The following SORCS2 variants were observed in gnomAD, a reference collection of about 807,000 sequenced individuals.
The protein encoded by SORCS2 is VPS10 domain-containing receptor SorCS2.
A neutral mutation model predicts 141.6 loss-of-function variants in SORCS2; 100 were observed. The observed-to-expected ratio is 0.71, with a 90% CI of 0.60 to 0.83. The LOEUF is 0.83. Ranked by LOEUF, SORCS2 falls within the 40% of genes least tolerant of loss-of-function variation. The pLI is 0.00. For missense variants in SORCS2, 1,646 were observed against 1,560.2 expected, an observed-to-expected ratio of 1.05 and a Z score of -0.93; for synonymous variants, 789 against 676.9, an observed-to-expected ratio of 1.17 and a Z score of -2.57.
At position 7,256,828 on chromosome 4, in the gene SORCS2, G is replaced by A. The variant is rs560588315; in HGVS notation, c.480+63702G>A. Among the ~76,000 whole-genome samples the A allele has an allele frequency of 1.8e-3, 278 of 152,092 alleles. 1 individual carries two copies. Among genetic ancestry groups the A allele is most frequent in the African/African-American group, 6.6e-3 (273 of 41,480 alleles). The stretch of plus-strand genomic sequence containing the variant: ...GTGTGAGGTCTGTTGGGGGAAGAGT[G>A]GGGAGCTCGGTCTGGCAGAGCCGGA... On this transcript the variant is annotated intron_variant, in intron 1 of 26. Transcript: ENST00000507866.
At chr4:7,598,156 A>G (rs1244694531) in intron 3 of SORCS2, among the ~76,000 whole-genome samples, 1 of 151,782 alleles carries the variant, frequency 6.6e-6, no homozygotes, top group Non-Finnish European at 1.5e-5. Context: ...TTTAGAAGAG[A>G]CGGGGTTTCA....
intron 3 of SORCS2, among the ~76,000 whole-genome samples, chr4:7,560,731 C>T (rs1010968284): frequency 6.6e-6 from 1 of 152,174 alleles, no homozygotes; most frequent in East Asian, 1.9e-4. Flanking sequence ...CATCCTCAAG[C>T]CTGCTGGAGA....
chr4:7,640,419 T>G (rs1265412359), intron 4 of SORCS2, among the ~76,000 whole-genome samples: 1 of 134,344 alleles, frequency 7.4e-6, no homozygotes, highest in Non-Finnish European at 1.7e-5. Flanking sequence ...TGAGTGTGTG[T>G]GATCGTGTGT....
intron 1 of SORCS2, among the ~76,000 whole-genome samples, chr4:7,220,211 T>C (rs1428924195): frequency 6.7e-6 from 1 of 149,918 alleles, no homozygotes; most frequent in Non-Finnish European, 1.5e-5. Flanking sequence ...CTGGGTGCCA[T>C]GGGGCCTAGT....
At chr4:7,423,254 G>A (rs1285089230) in intron 2 of SORCS2, among the ~76,000 whole-genome samples, 1 of 152,150 alleles carries the variant, frequency 6.6e-6, no homozygotes, top group Non-Finnish European at 1.5e-5. Flanking sequence ...TTATTTTAAT[G>A]CAGTTTCCTG....
At chr4:7,514,025 C>T (rs192442679) in intron 2 of SORCS2, among the ~76,000 whole-genome samples, 5 of 152,228 alleles carry the variant, frequency 3.3e-5, no homozygotes, top group Admixed American at 2.6e-4. Flanking sequence ...GTTTGGGCAT[C>T]GTGCGTGCAT....
Position 7,192,956 on chromosome 4 carries a change from C to G in SORCS2, c.310C>G (p.Pro104Ala). ...PGPSPGPAPG[P>A]GEDGAPAAGY... ...TCCGAGTCCCGGTCCCGCTCCTGGTCCCGGCGAGGACGGCGCCCCCGCCGC... is the reference window on the plus strand; with the variant it reads ...TCCGAGTCCCGGTCCCGCTCCTGGTGCCGGCGAGGACGGCGCCCCCGCCGC... Residue 104 changes from proline to alanine, a missense_variant, in exon 1 of 27, where the codon CCC becomes GCC. By Grantham distance (27) the Pro-to-Ala change is conservative. Transcript: ENST00000507866. The surrounding 1 kb of genome is among the most constrained non-coding windows in gnomAD (Gnocchi z 4.0). The G allele has an allele frequency of 7.4e-7, 1 of 1,346,958 alleles. No individual in the cohort carries two copies. Among genetic ancestry groups the G allele is most frequent in the Non-Finnish European group, 9.4e-7 (1 of 1,058,370 alleles). 83.4% of individuals were successfully genotyped at this position (1,346,958 alleles called of 1,614,324 possible).
At chr4:7,360,746 C>A (rs565564346) in intron 1 of SORCS2, among the ~76,000 whole-genome samples, 1 of 151,370 alleles carries the variant, frequency 6.6e-6, no homozygotes, top group Non-Finnish European at 1.5e-5. Context: ...CCACACTTGG[C>A]TAATTTTTGT....
At chr4:7,503,832 G>A (rs1452206725) in intron 2 of SORCS2, among the ~76,000 whole-genome samples, 3 of 152,180 alleles carry the variant, frequency 2.0e-5, no homozygotes, top group Admixed American at 6.5e-5. Context: ...AATCTTTCTC[G>A]TTGCAAACTT....
At chr4:7,594,328 G>C (rs921978859) in intron 3 of SORCS2, among the ~76,000 whole-genome samples, 1 of 152,250 alleles carries the variant, frequency 6.6e-6, no homozygotes, top group East Asian at 1.9e-4. Context: ...GTGGCCTGGA[G>C]TGGGAAATAA....
At chr4:7,706,462 G>A (rs571519724) in intron 14 of SORCS2, among the ~76,000 whole-genome samples, 1 of 115,110 alleles carries the variant, frequency 8.7e-6, no homozygotes, top group African/African-American at 3.4e-5. Flanking sequence ...GGGCAGGGAT[G>A]AGGCTGGGCT....
chr4:7,311,459 C>T (rs182414643), intron 1 of SORCS2, among the ~76,000 whole-genome samples: 4 of 152,272 alleles, frequency 2.6e-5, no homozygotes, highest in Admixed American at 6.5e-5. Flanking sequence ...GAATCATCTC[C>T]GGGATATGTT....
chr4:7,672,525 C>T (rs62290713), intron 8 of SORCS2, among the ~76,000 whole-genome samples: 13,063 of 152,188 alleles, frequency 0.086, 668 homozygotes, highest in East Asian at 0.26. Flanking sequence ...ATTTAAAATG[C>T]ATTCACTACA....
At chr4:7,646,122 G>T (rs1721056411) in intron 4 of SORCS2, among the ~76,000 whole-genome samples, 1 of 152,264 alleles carries the variant, frequency 6.6e-6, no homozygotes, top group African/African-American at 2.4e-5. Flanking sequence ...GCAGGTGTGT[G>T]CCCCCGGGCT....
Position 7,529,422 on chromosome 4 carries a change from C to G in SORCS2, c.549-2108C>G, listed in dbSNP as rs577480249. The stretch of plus-strand genomic sequence containing the variant: ...TCCTAGAACAGACGTTCCTAGAGAG[C>G]AGGGGCTTTGCTCATGGGCTCCTAG... On this transcript the variant is annotated intron_variant, in intron 2 of 26. Transcript: ENST00000507866. Among the ~76,000 whole-genome samples the G allele has an allele frequency of 1.9e-3, 293 of 152,330 alleles. 3 individuals are homozygous for G. The highest frequency in any genetic ancestry group is 1.8e-3 in the Non-Finnish European group (124 of 68,034).
chr4:7,458,621 T>A (rs868384629), intron 2 of SORCS2, among the ~76,000 whole-genome samples: 23 of 152,332 alleles, frequency 1.5e-4, no homozygotes, highest in Middle Eastern at 3.4e-3. Context: ...TGGGATGATC[T>A]CGCTTTCATT....
Position 7,426,250 on chromosome 4 carries a change from C to T in SORCS2, c.548+29895C>T, listed in dbSNP as rs925291469. On this transcript the variant is annotated intron_variant, in intron 2 of 26. Transcript: ENST00000507866. ...GGTCTGCTGTTCCTGAGACATTTTTCCCCACCCTCAATGAGTGGCCCATCG... is the reference window on the plus strand; with the variant it reads ...GGTCTGCTGTTCCTGAGACATTTTTTCCCACCCTCAATGAGTGGCCCATCG... 1.5e-3 allele frequency among the ~76,000 whole-genome samples: 234 copies of T among 152,316 alleles called. 1 individual carries two copies. Among genetic ancestry groups the T allele is most frequent in the Non-Finnish European group, 2.7e-3 (183 of 68,022 alleles).
Position 7,589,173 on chromosome 4 carries a change from C to T in SORCS2, c.649-49155C>T, listed in dbSNP as rs566260608. Among the ~76,000 whole-genome samples the T allele has an allele frequency of 1.1e-3, 160 of 152,272 alleles. 2 individuals are homozygous for T. Among genetic ancestry groups the T allele is most frequent in the African/African-American group, 3.5e-3 (147 of 41,562 alleles). ...AGAGTTTGGCGTTTCCTGGTAGAAG[C>T]CTGCAAAGTCTATCTGGGAGGCCAG... On this transcript the variant is annotated intron_variant, in intron 3 of 26. Transcript: ENST00000507866.
intron 1 of SORCS2, among the ~76,000 whole-genome samples, chr4:7,196,176 T>C (rs1213008535): frequency 6.6e-6 from 1 of 152,242 alleles, no homozygotes; most frequent in East Asian, 1.9e-4. Context: ...GACGTTTAGC[T>C]GTAGAAACAA....
Sources: allele counts gnomAD v4.1 joint callset (sites outside exome capture counted in the v4.1 genomes callset), GRCh38; gene constraint gnomAD v4.1.1; non-coding constraint Gnocchi (gnomAD v3.1); transcripts MANE v1.5; gene names NCBI Gene and HGNC (gene_info 2026-07-23, HGNC 2026-07-21).